PRPF6: variants seen among roughly 807,000 people sequenced by gnomAD.
The protein encoded by PRPF6 is pre-mRNA-processing factor 6.
Under a neutral mutation model 118.3 loss-of-function variants are expected in PRPF6, and 42 were observed. That is an observed-to-expected ratio of 0.35 (90% CI 0.28 to 0.46). The LOEUF is 0.46. PRPF6 is among the 20% of genes least tolerant of loss of function. PRPF6 has a pLI of 1.00. For synonymous variants in PRPF6, 481 were observed against 485.1 expected, an observed-to-expected ratio of 0.99 and a Z score of 0.11; for missense variants, 662 against 1,255.7, an observed-to-expected ratio of 0.53 and a Z score of 7.15.
At chr20:63,998,399 T>C (rs2059150483) in intron 6 of PRPF6, among the ~76,000 whole-genome samples, 1 of 151,470 alleles carries the variant, frequency 6.6e-6, no homozygotes. Context: ...GGTCAAAAAT[T>C]ACACTTTTTT....
intron 13 of PRPF6, among the ~76,000 whole-genome samples, chr20:64,023,227 A>G (rs1057082406): frequency 2.6e-5 from 4 of 152,238 alleles, no homozygotes; most frequent in Non-Finnish European, 2.9e-5. Flanking sequence ...TGGGTGGGGC[A>G]GCATCTGGGC....
intron 3 of PRPF6, among the ~76,000 whole-genome samples, chr20:63,987,704 C>T (rs183869407): frequency 1.3e-4 from 20 of 152,298 alleles, no homozygotes; most frequent in Admixed American, 9.8e-4. Flanking sequence ...ATTTAGAAAA[C>T]CCTAAAGACT....
chr20:64,018,027 A>C (rs2059246804), intron 12 of PRPF6, among the ~76,000 whole-genome samples: 1 of 152,126 alleles, frequency 6.6e-6, no homozygotes, highest in Admixed American at 6.5e-5. Context: ...ACATGGCAGA[A>C]CACCATCTTT....
Position 64,027,649 on chromosome 20 carries a change from G to A in PRPF6, c.2252G>A (p.Arg751Gln), listed in dbSNP as rs745862108. The A allele has an allele frequency of 9.9e-6, 16 of 1,613,972 alleles. No homozygotes were observed. In the East Asian group the frequency reaches 1.1e-4, roughly 11 times the overall value. ...ACACCCCTGTGGCTTTTGCTCTCTCGGCTGGAGGAGAAGATTGGGCAGCTT... is the reference window on the plus strand; with the variant it reads ...ACACCCCTGTGGCTTTTGCTCTCTCAGCTGGAGGAGAAGATTGGGCAGCTT... Reference protein sequence around the residue: ...HSTPLWLLLSRLEEKIGQLTR... With the variant: ...HSTPLWLLLSQLEEKIGQLTR... The change falls in exon 17 of 21, where the codon CGG becomes CAG. Residue 751 changes from arginine (R) to glutamine (Q), a missense_variant. Around this residue, in one of 10 missense-constraint regions of PRPF6, gnomAD observed 244 missense variants for 383.7 expected, o/e 0.64. Coordinates refer to ENST00000266079, the MANE Select transcript of PRPF6 (RefSeq NM_012469.4). This position sits in a 1 kb window ranked among gnomAD's most constrained non-coding sequence, Gnocchi z 6.5.
At chr20:63,994,532 C>T (rs2059132993) in intron 4 of PRPF6, among the ~76,000 whole-genome samples, 1 of 152,162 alleles carries the variant, frequency 6.6e-6, no homozygotes, top group South Asian at 2.1e-4. Context: ...GTAATCTCAG[C>T]ACTTTGGGAG....
intron 4 of PRPF6, 129 bp downstream of exon 4, chr20:63,993,614 A>G: frequency 3.9e-6 from 3 of 762,084 alleles, no homozygotes; most frequent in Non-Finnish European, 6.8e-6. Context: ...ATTGCTTAGA[A>G]GAAGAAAGTG....
In PRPF6 at chr20:64,028,718, T is replaced by G; in HGVS notation, c.2431+149T>G. ...TGGGGGCTCAGGCTTCAGACGGACT[T>G]TATTAAAATGTGTAGTTTGTGTGAA... On this transcript the variant is annotated intron_variant, in intron 18 of 20. Transcript: ENST00000266079. The surrounding 1 kb of genome is among the most constrained non-coding windows in gnomAD (Gnocchi z 6.5). The G allele has an allele frequency of 1.2e-6, 1 of 802,720 alleles. No homozygotes were observed. Among genetic ancestry groups the G allele is most frequent in the Non-Finnish European group, 2.0e-6 (1 of 502,050 alleles). The allele number at this position is 802,720 out of a possible 1,614,324, so 49.7% of individuals were successfully genotyped here.
At chr20:63,998,594 C>T (rs1441298399) in intron 6 of PRPF6, among the ~76,000 whole-genome samples, 1 of 150,494 alleles carries the variant, frequency 6.6e-6, no homozygotes, top group African/African-American at 2.4e-5. Context: ...GTAATCCCAG[C>T]ACTTTGGGAG....
intron 4 of PRPF6, among the ~76,000 whole-genome samples, chr20:63,994,158 CTT>C (rs1158030989): frequency 1.1e-4 from 15 of 138,338 alleles, no homozygotes; most frequent in South Asian, 2.3e-4. Context: ...TTTTCTTTTT[CTT>C]TTTTTTTTTT....
Position 63,981,164 on chromosome 20 carries a change from C to A in PRPF6, c.-82C>A. 1 of 1,418,696 alleles carries A rather than the reference C, an allele frequency of 7.0e-7. No homozygotes were observed. The highest frequency in any genetic ancestry group is 9.7e-7 in the Non-Finnish European group (1 of 1,026,380). The allele number at this position is 1,418,696 out of a possible 1,614,324, so 87.9% of individuals were successfully genotyped here. On this transcript the variant is annotated 5_prime_UTR_variant, in exon 1 of 21. Transcript: ENST00000266079. ...ACACTTTGCTACGGAGTGCATCGGACGTCGAAGCCTAGAGTCTCTGCGTCT... is the reference window on the plus strand; with the variant it reads ...ACACTTTGCTACGGAGTGCATCGGAAGTCGAAGCCTAGAGTCTCTGCGTCT...
chr20:63,990,435 T>G (rs1227174043), intron 3 of PRPF6, among the ~76,000 whole-genome samples: 1 of 152,092 alleles, frequency 6.6e-6, no homozygotes, highest in Non-Finnish European at 1.5e-5. Context: ...ATAAATTTTA[T>G]ACCTATAGTA....
chr20:64,016,316 A>T (rs1270714405), intron 11 of PRPF6, among the ~76,000 whole-genome samples: 2 of 151,876 alleles, frequency 1.3e-5, no homozygotes, highest in African/African-American at 4.8e-5. Flanking sequence ...TTTAGTAGAG[A>T]CAGGGTTTCA....
At chr20:64,018,974 C>T (rs1009644229) in intron 12 of PRPF6, among the ~76,000 whole-genome samples, 21 of 152,278 alleles carry the variant, frequency 1.4e-4, no homozygotes, top group African/African-American at 4.6e-4. Flanking sequence ...CCCCGTGTGG[C>T]GTGACCCAGA....
intron 19 of PRPF6, among the ~76,000 whole-genome samples, chr20:64,030,797 C>T (rs1409147249): frequency 6.6e-6 from 1 of 152,216 alleles, no homozygotes; most frequent in East Asian, 1.9e-4. Context: ...TACCACAAGG[C>T]TTAAAAAACA....
chr20:63,987,187 AAAG>A (rs1433806993), intron 3 of PRPF6, among the ~76,000 whole-genome samples: 16 of 144,644 alleles, frequency 1.1e-4, no homozygotes, highest in African/African-American at 4.0e-4. Flanking sequence ...AAAAAAAAAA[AAAG>A]GGGGGGGGAG....
chr20:64,025,636 G>A (rs1202632108), intron 14 of PRPF6, among the ~76,000 whole-genome samples: 4 of 152,202 alleles, frequency 2.6e-5, no homozygotes, highest in South Asian at 2.1e-4. Flanking sequence ...TTGAGAGGGC[G>A]TGGGTGGATC....
Position 64,029,526 on chromosome 20 carries a change from G to C in PRPF6, c.2546+35G>C. On this transcript the variant is annotated intron_variant, in intron 19 of 20. Transcript: ENST00000266079. This position sits in a 1 kb window ranked among gnomAD's most constrained non-coding sequence, Gnocchi z 4.8. The stretch of plus-strand genomic sequence containing the variant: ...GCCCCCACAGGATTGCTGAACCTCG[G>C]GGTCCTAATGGGCTCTTTTTCCAGA... 6.5e-7 allele frequency: 1 copy of C among 1,528,758 alleles called. No homozygotes were observed. The highest frequency in any genetic ancestry group is 9.1e-7 in the Non-Finnish European group (1 of 1,103,012). The allele number at this position is 1,528,758 out of a possible 1,614,324, so 94.7% of individuals were successfully genotyped here.
At chr20:64,013,371 A>G (rs2123057208) in intron 11 of PRPF6, among the ~76,000 whole-genome samples, 1 of 152,336 alleles carries the variant, frequency 6.6e-6, no homozygotes, top group East Asian at 1.9e-4. Context: ...AAAATAAATA[A>G]TGAAATTACT....
chr20:64,017,590 C>T (rs1434703463), intron 12 of PRPF6, among the ~76,000 whole-genome samples: 2 of 148,674 alleles, frequency 1.3e-5, no homozygotes, highest in African/African-American at 2.5e-5. Context: ...CTGCCGCGCC[C>T]GGCCTCCCAC....
Sources: gnomAD v4.1 joint callset for allele counts (sites outside exome capture counted in the v4.1 genomes callset) on GRCh38, gnomAD v4.1.1 for gene constraint, gnomAD v4.1.1 regional missense constraint, Gnocchi (gnomAD v3.1) non-coding constraint, MANE v1.5 for transcripts, NCBI Gene and HGNC (gene_info 2026-07-23, HGNC 2026-07-21) for gene names.